Variants in NFILZ observed in about 807,000 individuals in gnomAD.
NFILZ encodes the protein NFIL3 like basic leucine zipper, also known as NFIL3 like protein.
At chr19:8,675,948 CT>C (rs2043108203) in intron 4 of NFILZ, among the ~76,000 whole-genome samples, 1 of 151,974 alleles carries the variant, frequency 6.6e-6, no homozygotes, top group Non-Finnish European at 1.5e-5. Flanking sequence ...GAAAAGATGC[CT>C]AGTAAAGGCA....
chr19:8,655,570 G>A (rs1490514177), intron 3 of NFILZ, among the ~76,000 whole-genome samples: 1 of 152,162 alleles, frequency 6.6e-6, no homozygotes, highest in African/African-American at 2.4e-5. Flanking sequence ...ACCGCGGGAG[G>A]TTCCACAAGG....
At chr19:8,638,941 T>G (rs1186160081) in intron 3 of NFILZ, among the ~76,000 whole-genome samples, 2 of 151,608 alleles carry the variant, frequency 1.3e-5, no homozygotes, top group Non-Finnish European at 2.9e-5. Flanking sequence ...CCTCCCGGGT[T>G]CAAGGGATCC....
intron 3 of NFILZ, among the ~76,000 whole-genome samples, chr19:8,639,441 G>A (rs1186869739): frequency 1.3e-5 from 2 of 151,808 alleles, no homozygotes; most frequent in South Asian, 2.1e-4. Context: ...AAAACAAAAC[G>A]CAACAATTAG....
chr19:8,669,999 A>G (rs1258073853), intron 3 of NFILZ, among the ~76,000 whole-genome samples: 1 of 152,196 alleles, frequency 6.6e-6, no homozygotes. Context: ...CACGGATGTT[A>G]AGGAAAGAAT....
At chr19:8,636,366 T>C (rs2042894492) in intron 3 of NFILZ, among the ~76,000 whole-genome samples, 1 of 149,834 alleles carries the variant, frequency 6.7e-6, no homozygotes, top group South Asian at 2.1e-4. Flanking sequence ...GAGAAATGCT[T>C]GAACCTGGGA....
At chr19:8,637,912 C>CAAAAAAAAAAAAAAAA (rs35778716) in intron 3 of NFILZ, among the ~76,000 whole-genome samples, 8 of 20,260 alleles carry the variant, frequency 3.9e-4, no homozygotes, top group East Asian at 1.7e-3. Flanking sequence ...AAGATGGTCT[C>CAAAAAAAAAAAAAAAA]AAAAAAAAAA....
intron 3 of NFILZ, among the ~76,000 whole-genome samples, chr19:8,651,836 A>C (rs1568420115): frequency 6.6e-6 from 1 of 152,032 alleles, no homozygotes; most frequent in Non-Finnish European, 1.5e-5. Flanking sequence ...CCCGGCCTCT[A>C]ACTATATTTT....
At chr19:8,644,311 G>A (rs2042930344) in intron 3 of NFILZ, among the ~76,000 whole-genome samples, 1 of 152,080 alleles carries the variant, frequency 6.6e-6, no homozygotes, top group Admixed American at 6.6e-5. Context: ...ATGTTGGCCA[G>A]GCTGGTCTCC....
chr19:8,650,231 T>G (rs1408463789), intron 3 of NFILZ, among the ~76,000 whole-genome samples: 1 of 152,086 alleles, frequency 6.6e-6, no homozygotes, highest in Non-Finnish European at 1.5e-5. Context: ...TACAAGAAGC[T>G]GCAAAAATAG....
At chr19:8,668,299 A>ATTTTTTTCGTTGTCTTGTT (rs1481228019) in intron 3 of NFILZ, among the ~76,000 whole-genome samples, 1 of 152,032 alleles carries the variant, frequency 6.6e-6, no homozygotes, top group African/African-American at 2.4e-5. Context: ...TTGTCTTGTT[A>ATTTTTTTCGTTGTCTTGTT]TTTTTTTCAA....
At chr19:8,672,932 A>T in intron 3 of NFILZ, among the ~76,000 whole-genome samples, 1 of 152,032 alleles carries the variant, frequency 6.6e-6, no homozygotes, top group Non-Finnish European at 1.5e-5. Flanking sequence ...AATTTCAAAA[A>T]GCTACCTCTG....
chr19:8,636,179 G>T (rs2042893556), intron 3 of NFILZ, among the ~76,000 whole-genome samples: 1 of 151,586 alleles, frequency 6.6e-6, no homozygotes, highest in Non-Finnish European at 1.5e-5. Flanking sequence ...GCTGGGCGCG[G>T]TGGCTCATGC....
At chr19:8,642,844 A>G (rs563274385) in intron 3 of NFILZ, among the ~76,000 whole-genome samples, 1 of 152,110 alleles carries the variant, frequency 6.6e-6, no homozygotes, top group South Asian at 2.1e-4. Context: ...GGAAATGACA[A>G]ATATTGTAAA....
intron 3 of NFILZ, among the ~76,000 whole-genome samples, chr19:8,654,867 T>C (rs897401527): frequency 6.6e-6 from 1 of 151,990 alleles, no homozygotes; most frequent in East Asian, 1.9e-4. Context: ...TCCTCCCTCA[T>C]CGCAAGGCTC....
chr19:8,671,689 A>G (rs2043087621), intron 3 of NFILZ, among the ~76,000 whole-genome samples: 1 of 152,040 alleles, frequency 6.6e-6, no homozygotes, highest in Admixed American at 6.5e-5. Flanking sequence ...CTTCTCTCCT[A>G]GAGCCAAGGT....
At chr19:8,656,674 C>T (rs1291531625) in intron 3 of NFILZ, among the ~76,000 whole-genome samples, 1 of 152,230 alleles carries the variant, frequency 6.6e-6, no homozygotes, top group Non-Finnish European at 1.5e-5. Context: ...CCCTGCTGCG[C>T]CCAGGCCTGT....
intron 3 of NFILZ, among the ~76,000 whole-genome samples, chr19:8,671,886 C>T (rs1218854014): frequency 6.6e-6 from 1 of 152,088 alleles, no homozygotes; most frequent in Non-Finnish European, 1.5e-5. Context: ...TGGGGGACCC[C>T]AAGTGAGGGC....
At position 8,633,791 on chromosome 19, in the gene NFILZ, C is replaced by A. The variant is rs565616016; in HGVS notation, c.-261+1166C>A. 2.0e-5 allele frequency among the ~76,000 whole-genome samples: 3 copies of A among 152,236 alleles called. No homozygotes were observed. In the South Asian group the frequency reaches 6.2e-4, roughly 32 times the overall value. On this transcript the variant is annotated intron_variant, in intron 2 of 5. Coordinates refer to ENST00000691075, the MANE Select transcript of NFILZ (RefSeq NM_001378600.1). ...GGGGAGGGAGAGACAGATGTCGAGG[C>A]TGGACAGGAGGTTGTGGAAGGGGAG...
At chr19:8,641,334 G>A (rs1555746646) in intron 3 of NFILZ, among the ~76,000 whole-genome samples, 2 of 152,070 alleles carry the variant, frequency 1.3e-5, no homozygotes, top group African/African-American at 4.8e-5. Flanking sequence ...TCACAGGCGT[G>A]AGCCATCATG....
Sources: gnomAD v4.1 joint callset for allele counts (sites outside exome capture counted in the v4.1 genomes callset) on GRCh38, gnomAD v4.1.1 for gene constraint, MANE v1.5 for transcripts, NCBI Gene and HGNC (gene_info 2026-07-23, HGNC 2026-07-21) for gene names.